Variants in CSMD1 observed in about 807,000 individuals in gnomAD.
The protein encoded by CSMD1 is CUB and sushi domain-containing protein 1.
Under a neutral mutation model 417.5 loss-of-function variants are expected in CSMD1, and 213 were observed. That is an observed-to-expected ratio of 0.51 (90% CI 0.46 to 0.57). The LOEUF (loss-of-function observed/expected upper bound fraction) is 0.57. Among genes scored for constraint, CSMD1 ranks in the 20% least tolerant of loss-of-function variants. CSMD1 has a pLI of 0.00. For synonymous variants in CSMD1, 2,862 were observed against 1,736.8 expected (o/e 1.65, Z -16.11); for missense variants, 6,923 against 4,529.7 (o/e 1.53, Z -15.17).
chr8:3,148,624 T>A lies in CSMD1; in HGVS notation c.6031+2773A>T, dbSNP rs565946467. Among the ~76,000 whole-genome samples, 28 of 152,294 alleles carry A rather than the reference T, an allele frequency of 1.8e-4. 1 individual carries two copies. In the South Asian group the frequency reaches 5.6e-3, roughly 30 times the overall value. On this transcript the variant is annotated intron_variant, in intron 40 of 69. Transcript: ENST00000635120. ...AAAGAAGGCCATGAATACATAGAACTAATTTACTTAAATGTTTTTCACTAT... is the reference window on the plus strand; with the variant it reads ...AAAGAAGGCCATGAATACATAGAACAAATTTACTTAAATGTTTTTCACTAT...
intron 3 of CSMD1, among the ~76,000 whole-genome samples, chr8:4,039,928 C>T (rs938739595): frequency 1.3e-5 from 2 of 152,094 alleles, no homozygotes; most frequent in African/African-American, 2.4e-5. Flanking sequence ...AAAAGTAAAG[C>T]TTACTCTTGG....
intron 3 of CSMD1, among the ~76,000 whole-genome samples, chr8:4,399,502 C>G (rs990003946): frequency 3.3e-5 from 5 of 152,040 alleles, no homozygotes; most frequent in African/African-American, 9.7e-5. Flanking sequence ...GTTCAATGTC[C>G]TTAGCTTAAC....
At chr8:4,445,865 C>G (rs1343501807) in intron 2 of CSMD1, among the ~76,000 whole-genome samples, 2 of 152,182 alleles carry the variant, frequency 1.3e-5, no homozygotes, top group South Asian at 2.1e-4. Flanking sequence ...AAGTGTTCTC[C>G]CGCTGGAGAA....
At chr8:4,013,346 C>T (rs1197429046) in intron 4 of CSMD1, among the ~76,000 whole-genome samples, 1 of 152,192 alleles carries the variant, frequency 6.6e-6, no homozygotes, top group Non-Finnish European at 1.5e-5. Flanking sequence ...CAAGGCCAAA[C>T]ACCTGGTTGA....
chr8:4,240,078 A>C (rs1431836354), intron 3 of CSMD1, among the ~76,000 whole-genome samples: 1 of 152,200 alleles, frequency 6.6e-6, no homozygotes, highest in Non-Finnish European at 1.5e-5. Context: ...TTAAGCTTTA[A>C]ATAAAGCTTC....
chr8:4,962,808 T>C (rs920101807), intron 1 of CSMD1, among the ~76,000 whole-genome samples: 3 of 152,158 alleles, frequency 2.0e-5, no homozygotes, highest in Non-Finnish European at 2.9e-5. Context: ...TTAGTAAAAA[T>C]AATTTCACTT....
rs144736761 is a variant in CSMD1 at position 4,561,472 on chromosome 8, C to T, written c.302+75870G>A. 1.6e-4 allele frequency among the ~76,000 whole-genome samples: 24 copies of T among 152,268 alleles called. No homozygotes were observed. In the East Asian group the frequency reaches 1.9e-3, roughly 12 times the overall value. On this transcript the variant is annotated intron_variant, in intron 2 of 69. Transcript: ENST00000635120. ...CTGATGCAGGTGAAGCACTTGAGTCCGGGAGTTCAGGACCACCCTGGGCAA... is the reference window on the plus strand; with the variant it reads ...CTGATGCAGGTGAAGCACTTGAGTCTGGGAGTTCAGGACCACCCTGGGCAA...
chr8:3,472,763 C>T (rs1001328227), intron 11 of CSMD1, among the ~76,000 whole-genome samples: 3 of 152,052 alleles, frequency 2.0e-5, no homozygotes, highest in Admixed American at 6.6e-5. Flanking sequence ...TAACTTTACT[C>T]ATAAGTATAA....
chr8:4,048,773 T>C (rs1240394456), intron 3 of CSMD1, among the ~76,000 whole-genome samples: 5 of 152,226 alleles, frequency 3.3e-5, no homozygotes, highest in African/African-American at 1.2e-4. Flanking sequence ...TGTATATCTG[T>C]GTTACATGAA....
chr8:4,100,158 G>C (rs1456868638), intron 3 of CSMD1, among the ~76,000 whole-genome samples: 1 of 152,128 alleles, frequency 6.6e-6, no homozygotes, highest in African/African-American at 2.4e-5. Flanking sequence ...TTTTATGTGA[G>C]TAAAATGGGG....
chr8:3,275,485 G>T (rs1286831613), intron 26 of CSMD1, among the ~76,000 whole-genome samples: 1 of 152,174 alleles, frequency 6.6e-6, no homozygotes, highest in Non-Finnish European at 1.5e-5. Flanking sequence ...TGCCTTGCTA[G>T]ATTGGGGAAG....
intron 1 of CSMD1, among the ~76,000 whole-genome samples, chr8:4,991,452 G>A (rs1811457135): frequency 6.6e-6 from 1 of 152,188 alleles, no homozygotes; most frequent in South Asian, 2.1e-4. Context: ...AACTGCGACC[G>A]CCTCCAGCCT....
At chr8:4,595,244 ACT>A (rs1219415589) in intron 2 of CSMD1, among the ~76,000 whole-genome samples, 6 of 152,002 alleles carry the variant, frequency 3.9e-5, no homozygotes, top group Admixed American at 3.9e-4. Context: ...GTTGGCTATA[ACT>A]CTGTAATTCT....
chr8:3,970,408 G>A (rs562703043), intron 5 of CSMD1, among the ~76,000 whole-genome samples: 2 of 152,212 alleles, frequency 1.3e-5, no homozygotes, highest in East Asian at 1.9e-4. Context: ...TGATTAGGAG[G>A]GAACAATATG....
chr8:4,700,090 C>T (rs903138048), intron 1 of CSMD1, among the ~76,000 whole-genome samples: 1 of 152,098 alleles, frequency 6.6e-6, no homozygotes, highest in African/African-American at 2.4e-5. Context: ...AAGGAGCTCA[C>T]CACAGAGTCA....
intron 5 of CSMD1, among the ~76,000 whole-genome samples, chr8:3,995,121 G>C (rs976033462): frequency 2.0e-5 from 3 of 152,278 alleles, no homozygotes; most frequent in African/African-American, 7.2e-5. Flanking sequence ...TAGAATTACT[G>C]TAAAATAATA....
intron 3 of CSMD1, among the ~76,000 whole-genome samples, chr8:4,396,277 T>C (rs916041907): frequency 6.7e-6 from 1 of 149,178 alleles, no homozygotes; most frequent in African/African-American, 2.5e-5. Flanking sequence ...GCTTGGGGAA[T>C]ACAGTGAGAC....
chr8:4,990,138 G>C (rs1436613425), intron 1 of CSMD1, among the ~76,000 whole-genome samples: 1 of 152,172 alleles, frequency 6.6e-6, no homozygotes, highest in Non-Finnish European at 1.5e-5. Context: ...GGACTTGTTT[G>C]ATGAGACCTC....
chr8:4,390,575 G>A (rs947995572), intron 3 of CSMD1, among the ~76,000 whole-genome samples: 56 of 148,730 alleles, frequency 3.8e-4, no homozygotes, highest in Non-Finnish European at 6.2e-4. Context: ...GTGCAGTGGT[G>A]CGATCTCAGC....
Sources: gnomAD v4.1 joint callset for allele counts (sites outside exome capture counted in the v4.1 genomes callset) on GRCh38, gnomAD v4.1.1 for gene constraint, MANE v1.5 for transcripts, NCBI Gene and HGNC (gene_info 2026-07-23, HGNC 2026-07-21) for gene names.